GPHN: variants seen among roughly 807,000 people sequenced by gnomAD.
GPHN encodes gephyrin.
A neutral mutation model predicts 95.5 loss-of-function variants in GPHN; 17 were observed. That is an observed-to-expected ratio of 0.18 (90% CI 0.12 to 0.27). The LOEUF is 0.27. GPHN is among the 10% of genes least tolerant of loss of function. GPHN has a pLI of 1.00. For synonymous variants in GPHN, 320 were observed against 322.5 expected, an observed-to-expected ratio of 0.99 and a Z score of 0.08; for missense variants, 660 against 978.1, an observed-to-expected ratio of 0.67 and a Z score of 4.34.
At chr14:66,654,841 G>A (rs1055116716) in intron 1 of GPHN, among the ~76,000 whole-genome samples, 3 of 152,138 alleles carry the variant, frequency 2.0e-5, no homozygotes, top group African/African-American at 7.2e-5. Flanking sequence ...GCATGAGATA[G>A]GTCGAGGTTT....
At chr14:67,559,754 G>T in the GPHN span, 2 of 1,078,024 alleles carry the variant, frequency 1.9e-6, no homozygotes, top group African/African-American at 1.6e-5. Context: ...CTGACCCCCG[G>T]AGTTTCCTGC....
At chr14:66,909,238 A>T (rs531240017) in intron 5 of GPHN, among the ~76,000 whole-genome samples, 2 of 152,140 alleles carry the variant, frequency 1.3e-5, no homozygotes, top group Non-Finnish European at 2.9e-5. Flanking sequence ...GGGATATTCT[A>T]TACAACTGTC....
the GPHN span, chr14:67,397,844 A>G: frequency 6.3e-7 from 1 of 1,595,100 alleles, no homozygotes; most frequent in Non-Finnish European, 8.6e-7. Flanking sequence ...CAGACAAGAA[A>G]GCCCTGAGGT....
At chr14:67,089,246 G>A (rs546729805) in intron 12 of GPHN, among the ~76,000 whole-genome samples, 171 bp downstream of exon 12, 32 of 142,052 alleles carry the variant, frequency 2.3e-4, no homozygotes, top group Middle Eastern at 3.9e-3. Flanking sequence ...AGATAACCAT[G>A]TTAATCTGCA....
At chr14:66,895,317 T>C (rs1433968291) in intron 5 of GPHN, among the ~76,000 whole-genome samples, 1 of 151,600 alleles carries the variant, frequency 6.6e-6, no homozygotes, top group Non-Finnish European at 1.5e-5. Flanking sequence ...GTGAGAACAC[T>C]TGGACACAGG....
the GPHN span, among the ~76,000 whole-genome samples, chr14:67,433,562 A>G: frequency 2.6e-5 from 4 of 152,258 alleles, no homozygotes; most frequent in Middle Eastern, 3.4e-3. Context: ...GACGCATCCT[A>G]TAATTCAACA....
intron 1 of GPHN, among the ~76,000 whole-genome samples, chr14:66,619,017 C>A (rs201416225): frequency 1.3e-5 from 2 of 152,108 alleles, no homozygotes; most frequent in Non-Finnish European, 2.9e-5. Context: ...TAGATAGTTA[C>A]AAGAGAAAGT....
intron 3 of GPHN, among the ~76,000 whole-genome samples, chr14:66,789,190 G>T (rs905977934): frequency 8.5e-5 from 13 of 152,078 alleles, no homozygotes; most frequent in African/African-American, 3.1e-4. Flanking sequence ...TCCACAATTT[G>T]TTCAAACCTT....
intron 2 of GPHN, among the ~76,000 whole-genome samples, chr14:66,738,139 G>A (rs77370613): frequency 0.012 from 1,830 of 152,292 alleles, 19 homozygotes; most frequent in Non-Finnish European, 0.018. Context: ...GTACATTGGA[G>A]CAGTAGTAGT....
intron 1 of GPHN, among the ~76,000 whole-genome samples, chr14:66,634,149 GT>G (rs1023696353): frequency 6.6e-6 from 1 of 151,822 alleles, no homozygotes; most frequent in African/African-American, 2.4e-5. Flanking sequence ...TTATTGTGTT[GT>G]TTTGGAGGTG....
chr14:67,176,474 C>T (rs1291838812), intron 21 of GPHN, among the ~76,000 whole-genome samples: 1 of 152,102 alleles, frequency 6.6e-6, no homozygotes, highest in African/African-American at 2.4e-5. Context: ...CTGGATTCGG[C>T]TTGCCAGTAT....
intron 13 of GPHN, among the ~76,000 whole-genome samples, chr14:67,108,326 C>T (rs925118473): frequency 1.3e-5 from 2 of 152,160 alleles, no homozygotes; most frequent in Non-Finnish European, 2.9e-5. Context: ...CTGTCTCTCT[C>T]CTACCCTCTA....
chr14:66,919,721 A>G (rs1329163257), intron 6 of GPHN, among the ~76,000 whole-genome samples: 1 of 152,140 alleles, frequency 6.6e-6, no homozygotes, highest in East Asian at 1.9e-4. Flanking sequence ...TCCTGAGCCC[A>G]CTTTCTGCAT....
chr14:66,868,734 A>G (rs1304762185), intron 4 of GPHN, among the ~76,000 whole-genome samples: 5 of 152,158 alleles, frequency 3.3e-5, no homozygotes, highest in Admixed American at 2.6e-4. Flanking sequence ...TCTGTTAGCA[A>G]TATCTTTTTT....
chr14:66,888,316 GA>G (rs2153538827), intron 5 of GPHN, among the ~76,000 whole-genome samples: 1 of 152,020 alleles, frequency 6.6e-6, no homozygotes, highest in South Asian at 2.1e-4. Context: ...GTCCAGAGGG[GA>G]AAAAAACTCC....
chr14:67,278,221 G>C, the GPHN span, among the ~76,000 whole-genome samples: 1 of 151,922 alleles, frequency 6.6e-6, no homozygotes, highest in Non-Finnish European at 1.5e-5. Flanking sequence ...ATTTTTCTTA[G>C]TAGAGACGGG....
the GPHN span, chr14:67,651,393 T>C: frequency 1.2e-6 from 2 of 1,613,828 alleles, no homozygotes; most frequent in African/African-American, 1.3e-5. Context: ...GTTCAATGGC[T>C]GCGAAAGAAT....
At chr14:66,717,022 G>A (rs772699274) in intron 2 of GPHN, among the ~76,000 whole-genome samples, 4 of 152,040 alleles carry the variant, frequency 2.6e-5, no homozygotes, top group Admixed American at 6.6e-5. Context: ...AATTTTCCAG[G>A]TGTTCTTTGT....
the GPHN span, among the ~76,000 whole-genome samples, chr14:67,445,214 A>G: frequency 1.3e-5 from 2 of 152,188 alleles, no homozygotes; most frequent in Non-Finnish European, 2.9e-5. Context: ...GTTGTCTTCT[A>G]CAAATTATCA....
Sources: gnomAD v4.1 joint callset for allele counts (sites outside exome capture counted in the v4.1 genomes callset) on GRCh38, gnomAD v4.1.1 for gene constraint, MANE v1.5 for transcripts, NCBI Gene and HGNC (gene_info 2026-07-23, HGNC 2026-07-21) for gene names.